Variants in CFAP54 observed in about 807,000 individuals in gnomAD.
CFAP54 encodes cilia- and flagella-associated protein 54.
CFAP54 carries 290 observed loss-of-function variants against 370.4 expected under a neutral mutation model. The observed-to-expected ratio is 0.78, with a 90% CI of 0.71 to 0.86. CFAP54 has a LOEUF of 0.86. Ranked by LOEUF, CFAP54 falls within the 40% of genes least tolerant of loss-of-function variation. The pLI is 0.00. For synonymous variants in CFAP54, 1,206 were observed against 1,236.5 expected, an observed-to-expected ratio of 0.98 and a Z score of 0.52; for missense variants, 3,399 against 3,528.7, an observed-to-expected ratio of 0.96 and a Z score of 0.93.
intron 32 of CFAP54, among the ~76,000 whole-genome samples, chr12:96,634,855 A>G: frequency 6.6e-6 from 1 of 152,168 alleles, no homozygotes; most frequent in East Asian, 1.9e-4. Context: ...CTTCCATTGA[A>G]TCACTTTTGT....
chr12:96,796,668 T>C (rs1958765646), intron 63 of CFAP54, among the ~76,000 whole-genome samples: 1 of 152,192 alleles, frequency 6.6e-6, no homozygotes, highest in African/African-American at 2.4e-5. Context: ...TACAAGACAT[T>C]TTGGGTTGTC....
intron 66 of CFAP54, among the ~76,000 whole-genome samples, chr12:96,846,857 G>A (rs374401070): frequency 9.1e-4 from 139 of 152,226 alleles, no homozygotes; most frequent in African/African-American, 3.1e-3. Flanking sequence ...TGACAGTTGT[G>A]CAGCTTTTCC....
chr12:96,588,323 G>T (rs545737156), intron 22 of CFAP54, among the ~76,000 whole-genome samples: 4 of 152,118 alleles, frequency 2.6e-5, no homozygotes, highest in Admixed American at 2.0e-4. Flanking sequence ...CTGCCTTAGG[G>T]TTCAACTCAA....
intron 36 of CFAP54, 141 bp from the exon 37 acceptor site, chr12:96,657,741 C>A (rs1300741020): frequency 4.6e-6 from 3 of 654,706 alleles, no homozygotes; most frequent in African/African-American, 1.8e-5. Flanking sequence ...AATTATCAAG[C>A]TTTGACTTGC....
chr12:96,550,173 G>A (rs1223892135), intron 15 of CFAP54, among the ~76,000 whole-genome samples: 1 of 151,830 alleles, frequency 6.6e-6, no homozygotes, highest in Non-Finnish European at 1.5e-5. Flanking sequence ...GTTAAATGTC[G>A]ACTGTGATGA....
chr12:96,638,076 G>A (rs757015012), intron 32 of CFAP54, among the ~76,000 whole-genome samples: 8 of 151,960 alleles, frequency 5.3e-5, no homozygotes, highest in African/African-American at 9.7e-5. Flanking sequence ...GACACACACT[G>A]TACAATGGTA....
chr12:96,639,967 A>G (rs1048980667), intron 32 of CFAP54, among the ~76,000 whole-genome samples: 3 of 152,186 alleles, frequency 2.0e-5, no homozygotes, highest in African/African-American at 4.8e-5. Flanking sequence ...CCCACAGCCA[A>G]TATCATACTG....
At chr12:96,575,423 T>G (rs749479424) in intron 19 of CFAP54, among the ~76,000 whole-genome samples, 1 of 152,094 alleles carries the variant, frequency 6.6e-6, no homozygotes. Context: ...CCTTTGTCAG[T>G]GTGCTTTCGG....
Position 96,764,522 on chromosome 12 carries a change from G to A in CFAP54, c.8139+273G>A, listed in dbSNP as rs116888202. ...TATAGTCTCAGCTACACAGAAGGCT[G>A]AGGCAAAAGGATTGCTTGACTCTGG... On this transcript the variant is annotated intron_variant, in intron 59 of 67. Coordinates refer to ENST00000524981, the MANE Select transcript of CFAP54 (RefSeq NM_001306084.2). Among the ~76,000 whole-genome samples, 1,445 of 152,258 alleles carry A rather than the reference G, an allele frequency of 9.5e-3. 11 individuals carry two copies. The highest frequency in any genetic ancestry group is 0.015 in the Non-Finnish European group (1,039 of 68,012).
intron 55 of CFAP54, among the ~76,000 whole-genome samples, chr12:96,751,064 A>AT (rs557730653): frequency 8.3e-4 from 127 of 152,212 alleles, no homozygotes; most frequent in Non-Finnish European, 1.3e-3. Context: ...GCATTTAGAG[A>AT]TTTTTTTATA....
chr12:96,864,345 G>A (rs1959952553), intron 67 of CFAP54, among the ~76,000 whole-genome samples: 1 of 152,116 alleles, frequency 6.6e-6, no homozygotes, highest in African/African-American at 2.4e-5. Context: ...TAAAACTGCA[G>A]CACTTCCCAT....
chr12:96,858,287 G>T (rs755190570), intron 66 of CFAP54, among the ~76,000 whole-genome samples: 9 of 152,262 alleles, frequency 5.9e-5, no homozygotes, highest in Non-Finnish European at 1.2e-4. Flanking sequence ...TTGGGTGCAT[G>T]TATGTCTTCT....
intron 22 of CFAP54, among the ~76,000 whole-genome samples, chr12:96,584,716 C>A (rs967157357): frequency 6.6e-6 from 1 of 151,748 alleles, no homozygotes; most frequent in African/African-American, 2.4e-5. Flanking sequence ...TCAGTTAAAA[C>A]CCTGATTGCA....
chr12:96,576,385 G>T (rs1171894969), intron 19 of CFAP54, among the ~76,000 whole-genome samples, 200 bp from the exon 20 acceptor site: 1 of 150,986 alleles, frequency 6.6e-6, no homozygotes, highest in Non-Finnish European at 1.5e-5. Context: ...TGGTGATCAT[G>T]ATTAACCTTA....
At chr12:96,643,619 A>G (rs1956758142) in intron 32 of CFAP54, among the ~76,000 whole-genome samples, 2 of 152,178 alleles carry the variant, frequency 1.3e-5, no homozygotes, top group South Asian at 4.1e-4. Flanking sequence ...AAAATTGAAT[A>G]TATATAATAC....
intron 26 of CFAP54, among the ~76,000 whole-genome samples, chr12:96,612,687 G>A (rs1180186753): frequency 2.0e-5 from 3 of 152,150 alleles, no homozygotes; most frequent in African/African-American, 7.2e-5. Context: ...ATGAAGGGAT[G>A]GAGGAAGATC....
intron 34 of CFAP54, 67 bp from the exon 35 acceptor site, chr12:96,649,824 C>A (rs1234780766): frequency 9.8e-7 from 1 of 1,018,638 alleles, no homozygotes. Flanking sequence ...ATCCTTATCA[C>A]CTACTGTGTT....
intron 52 of CFAP54, 120 bp downstream of exon 52, chr12:96,742,706 A>T: frequency 4.0e-6 from 4 of 995,370 alleles, no homozygotes; most frequent in South Asian, 1.7e-5. Context: ...TGATCTGCTT[A>T]TAGAATTAAA....
intron 66 of CFAP54, among the ~76,000 whole-genome samples, chr12:96,833,988 G>T (rs1209923868): frequency 1.3e-5 from 2 of 152,132 alleles, no homozygotes; most frequent in Non-Finnish European, 2.9e-5. Flanking sequence ...AATGTGCAAG[G>T]TCTCACAGCT....
Sources: allele counts gnomAD v4.1 joint callset (sites outside exome capture counted in the v4.1 genomes callset), GRCh38; gene constraint gnomAD v4.1.1; transcripts MANE v1.5; gene names NCBI Gene and HGNC (gene_info 2026-07-23, HGNC 2026-07-21).